DLG2: variants seen among roughly 807,000 people sequenced by gnomAD.
The protein encoded by DLG2 is discs large MAGUK scaffold protein 2.
Under a neutral mutation model 132.5 loss-of-function variants are expected in DLG2, and 45 were observed. The ratio of observed to expected loss-of-function variants is 0.34; its 90% CI spans 0.27 to 0.44. DLG2 has a LOEUF of 0.44. Among genes scored for constraint, DLG2 ranks in the 20% least tolerant of loss-of-function variants. The probability of loss-of-function intolerance (pLI) is 1.00; values close to 1 mark genes in which losing one functional copy is unlikely to be tolerated. For missense variants in DLG2, 1,045 were observed against 1,196.9 expected (o/e 0.87, Z 1.87); for synonymous variants, 424 against 419.6 (o/e 1.01, Z -0.13).
chr11:85,343,504 A>C (rs1174300897), intron 3 of DLG2, among the ~76,000 whole-genome samples: 6 of 152,184 alleles, frequency 3.9e-5, no homozygotes, highest in Non-Finnish European at 5.9e-5. Flanking sequence ...TAATTAAATA[A>C]AATATGTATT....
At position 84,754,285 on chromosome 11, in the gene DLG2, C is replaced by T. The variant is rs186062885; in HGVS notation, c.358-219554G>A. 7.2e-5 allele frequency among the ~76,000 whole-genome samples: 11 copies of T among 152,156 alleles called. No individual in the cohort carries two copies. In the East Asian group the frequency reaches 9.7e-4, roughly 13 times the overall value. Reference sequence around the variant, plus strand: ...TATGTTATTTTGTGACAGGAAGGATCGGTAGAGATAGGAAATGAAGCATAT... The same window carrying T: ...TATGTTATTTTGTGACAGGAAGGATTGGTAGAGATAGGAAATGAAGCATAT... On this transcript the variant is annotated intron_variant, in intron 6 of 27. Coordinates refer to ENST00000376104, the MANE Select transcript of DLG2 (RefSeq NM_001142699.3).
At chr11:85,305,490 C>T (rs1406085721) in intron 3 of DLG2, among the ~76,000 whole-genome samples, 5 of 152,044 alleles carry the variant, frequency 3.3e-5, no homozygotes, top group Non-Finnish European at 7.4e-5. Context: ...CTGAAATAGG[C>T]TTTGGATTTC....
intron 7 of DLG2, among the ~76,000 whole-genome samples, chr11:84,380,070 C>T (rs1308993699): frequency 6.6e-6 from 1 of 151,826 alleles, no homozygotes; most frequent in Non-Finnish European, 1.5e-5. Context: ...ATTTTGTTGC[C>T]ATGAAAAAAT....
intron 18 of DLG2, among the ~76,000 whole-genome samples, chr11:83,691,640 C>T (rs1195301322): frequency 6.6e-6 from 1 of 152,168 alleles, no homozygotes; most frequent in Non-Finnish European, 1.5e-5. Context: ...TTCTAGGTGC[C>T]TGTAACAAGC....
intron 21 of DLG2, chr11:83,486,152 C>T (rs1591650836): frequency 1.8e-6 from 1 of 567,866 alleles, no homozygotes; most frequent in Admixed American, 3.2e-5. Flanking sequence ...CCCAAATTTT[C>T]CTAGTTAAAA....
intron 3 of DLG2, among the ~76,000 whole-genome samples, chr11:85,547,189 G>C (rs556802961): frequency 5.6e-4 from 85 of 152,246 alleles, no homozygotes; most frequent in Non-Finnish European, 1.2e-3. Flanking sequence ...GGCAGGCCTG[G>C]TGGTGACAAA....
intron 6 of DLG2, among the ~76,000 whole-genome samples, chr11:84,584,929 C>A (rs975244356): frequency 6.6e-6 from 1 of 151,666 alleles, no homozygotes; most frequent in Admixed American, 6.6e-5. Context: ...ACCTCGTGAT[C>A]CGCCCGCCTC....
intron 7 of DLG2, among the ~76,000 whole-genome samples, chr11:84,259,150 TA>T (rs1193274646): frequency 3.3e-5 from 5 of 151,020 alleles, no homozygotes; most frequent in African/African-American, 1.2e-4. Context: ...TGGGTGCCTG[TA>T]ACCCAGCTAC....
intron 8 of DLG2, among the ~76,000 whole-genome samples, chr11:84,194,764 G>T (rs1362008382): frequency 6.6e-6 from 1 of 152,148 alleles, no homozygotes; most frequent in Non-Finnish European, 1.5e-5. Flanking sequence ...TGGGACCCAC[G>T]CTGGGGCCGC....
In DLG2 at chr11:85,226,136, AAT is replaced by A. The variant is rs761782924; in HGVS notation, c.186+59082_186+59083del. On this transcript the variant is annotated intron_variant, in intron 4 of 27. Coordinates refer to ENST00000376104, the MANE Select transcript of DLG2 (RefSeq NM_001142699.3). ...ATAGTGACATAATTGTTATATTAACAATATATGTGTTATAATTTTTATAATAA... is the reference window on the plus strand; with the variant it reads ...ATAGTGACATAATTGTTATATTAACAATATGTGTTATAATTTTTATAATAA... Among the ~76,000 whole-genome samples the A allele has an allele frequency of 9.9e-5, 15 of 151,222 alleles. No homozygotes were observed. The East Asian group carries it at 1.2e-3, about 12-fold the overall frequency.
intron 7 of DLG2, among the ~76,000 whole-genome samples, chr11:84,487,826 T>C (rs1185598677): frequency 6.6e-6 from 1 of 151,968 alleles, no homozygotes; most frequent in Non-Finnish European, 1.5e-5. Flanking sequence ...ACAGGAGGAT[T>C]TCAACAGGTG....
chr11:84,125,525 G>A (rs1190248461), intron 9 of DLG2, among the ~76,000 whole-genome samples: 1 of 152,096 alleles, frequency 6.6e-6, no homozygotes, highest in East Asian at 1.9e-4. Flanking sequence ...GATCTTTAGG[G>A]TCAGCAAATT....
At chr11:84,516,592 C>G (rs1213572067) in intron 7 of DLG2, among the ~76,000 whole-genome samples, 1 of 151,232 alleles carries the variant, frequency 6.6e-6, no homozygotes, top group African/African-American at 2.4e-5. Flanking sequence ...AAAGAAAGCC[C>G]AGAATCTGAT....
In DLG2 at chr11:83,836,115, C is replaced by T. The variant is rs533320276; in HGVS notation, c.1566-2345G>A. ...AGGCAGATGAAGACTGCTGATGTCC[C>T]AGCTTGAAGACAGTCAGGAAGAAGC... On this transcript the variant is annotated intron_variant, in intron 16 of 27. Transcript: ENST00000376104. Among the ~76,000 whole-genome samples the T allele has an allele frequency of 2.0e-5, 3 of 152,276 alleles. No homozygotes were observed. In the East Asian group the frequency reaches 5.8e-4, roughly 29 times the overall value.
chr11:83,517,272 G>T (rs1319812910), intron 21 of DLG2, among the ~76,000 whole-genome samples: 3 of 151,912 alleles, frequency 2.0e-5, no homozygotes, highest in African/African-American at 7.3e-5. Context: ...TCATTCATTT[G>T]ATCTTCCATC....
At chr11:84,738,859 T>C (rs941323980) in intron 6 of DLG2, among the ~76,000 whole-genome samples, 1 of 152,194 alleles carries the variant, frequency 6.6e-6, no homozygotes, top group East Asian at 1.9e-4. Context: ...AACCCACAGA[T>C]ACATTAACAA....
intron 17 of DLG2, among the ~76,000 whole-genome samples, chr11:83,789,649 G>T (rs2040994323): frequency 6.6e-6 from 1 of 151,856 alleles, no homozygotes; most frequent in South Asian, 2.1e-4. Context: ...CTGGGTTCAA[G>T]CAATTCTCCT....
At chr11:85,501,628 C>G (rs1350116575) in intron 3 of DLG2, among the ~76,000 whole-genome samples, 2 of 152,168 alleles carry the variant, frequency 1.3e-5, no homozygotes, top group Admixed American at 1.3e-4. Flanking sequence ...AAACACTTCT[C>G]AAAAGAAGAC....
intron 21 of DLG2, among the ~76,000 whole-genome samples, chr11:83,529,480 C>T (rs1474165877): frequency 6.6e-6 from 1 of 152,122 alleles, no homozygotes; most frequent in Non-Finnish European, 1.5e-5. Context: ...TGGAGAGTTA[C>T]TAACGTAAGG....
Sources: gnomAD v4.1 joint callset for allele counts (sites outside exome capture counted in the v4.1 genomes callset) on GRCh38, gnomAD v4.1.1 for gene constraint, MANE v1.5 for transcripts, NCBI Gene and HGNC (gene_info 2026-07-23, HGNC 2026-07-21) for gene names.